MYO16: variants seen among roughly 807,000 people sequenced by gnomAD.
The protein encoded by MYO16 is unconventional myosin-XVI.
MYO16 carries 94 observed loss-of-function variants against 205.3 expected under a neutral mutation model. The observed-to-expected ratio is 0.46, with a 90% confidence interval of 0.39 to 0.54. The LOEUF is 0.54. MYO16 is among the 20% of genes least tolerant of loss of function. The probability of loss-of-function intolerance (pLI) is 0.00; values close to 1 mark genes in which losing one functional copy is unlikely to be tolerated. For missense variants in MYO16, 2,315 were observed against 2,387.5 expected, an observed-to-expected ratio of 0.97 and a Z score of 0.63; for synonymous variants, 988 against 954.0, an observed-to-expected ratio of 1.04 and a Z score of -0.66.
the MYO16 span, among the ~76,000 whole-genome samples, chr13:108,529,635 C>T: frequency 6.6e-6 from 1 of 152,180 alleles, no homozygotes; most frequent in African/African-American, 2.4e-5. Context: ...CACCTTGAAC[C>T]TGACAGTTAA....
intron 2 of MYO16, among the ~76,000 whole-genome samples, chr13:108,683,071 A>C (rs1278949859): frequency 2.0e-5 from 3 of 152,166 alleles, no homozygotes; most frequent in Non-Finnish European, 4.4e-5. Flanking sequence ...AATTCTATTC[A>C]TCTTAATGCC....
intron 9 of MYO16, among the ~76,000 whole-genome samples, chr13:108,833,329 A>G (rs1876723932): frequency 6.6e-6 from 1 of 151,926 alleles, no homozygotes; most frequent in Non-Finnish European, 1.5e-5. Context: ...TCTCTCCAAG[A>G]GCTCTTTCAT....
chr13:108,928,157 T>C (rs1882093588), intron 16 of MYO16, among the ~76,000 whole-genome samples: 1 of 151,952 alleles, frequency 6.6e-6, no homozygotes, highest in African/African-American at 2.4e-5. Context: ...GCAGCTTCCA[T>C]GAAAGAGAGG....
intron 33 of MYO16, among the ~76,000 whole-genome samples, chr13:109,172,001 A>C (rs1878942193): frequency 6.6e-6 from 1 of 152,186 alleles, no homozygotes; most frequent in Admixed American, 6.5e-5. Flanking sequence ...AGGACCAGGA[A>C]ATCTGCATTC....
At chr13:108,598,115 G>T (rs963561636) in intron 1 of MYO16, among the ~76,000 whole-genome samples, 1 of 152,190 alleles carries the variant, frequency 6.6e-6, no homozygotes, top group African/African-American at 2.4e-5. Flanking sequence ...GGGAAAGGGG[G>T]CAGAGATCAA....
chr13:108,620,934 G>A (rs558391372), intron 1 of MYO16, among the ~76,000 whole-genome samples: 14 of 152,076 alleles, frequency 9.2e-5, no homozygotes, highest in South Asian at 2.1e-4. Context: ...TCCCCACCCC[G>A]CAGCCTGGCC....
intron 16 of MYO16, among the ~76,000 whole-genome samples, chr13:108,931,153 A>C (rs982582898): frequency 1.3e-5 from 2 of 152,176 alleles, no homozygotes; most frequent in African/African-American, 4.8e-5. Context: ...ATATGTTAGA[A>C]TTCATATGAT....
intron 10 of MYO16, among the ~76,000 whole-genome samples, chr13:108,845,208 A>G (rs1193949468): frequency 6.6e-6 from 1 of 152,216 alleles, no homozygotes; most frequent in Non-Finnish European, 1.5e-5. Flanking sequence ...TCTTCTTAAA[A>G]TTTAATTTTA....
chr13:109,019,927 T>G lies in MYO16; in HGVS notation c.2796+16T>G, dbSNP rs1594474669. 2.5e-6 allele frequency: 4 copies of G among 1,611,478 alleles called. No homozygotes were observed. The highest frequency in any genetic ancestry group is 3.4e-6 in the Non-Finnish European group (4 of 1,178,706). Reference sequence around the variant, plus strand: ...CGCAGGAAGGGTAAGTGGCCAGAACTGCATAATTTTTCATGTGCACTAATG... The same window carrying G: ...CGCAGGAAGGGTAAGTGGCCAGAACGGCATAATTTTTCATGTGCACTAATG... On this transcript the variant is annotated intron_variant, in intron 23 of 34. Transcript: ENST00000457511.
At chr13:108,906,092 G>A (rs1880960576) in intron 15 of MYO16, among the ~76,000 whole-genome samples, 1 of 152,030 alleles carries the variant, frequency 6.6e-6, no homozygotes, top group East Asian at 1.9e-4. Context: ...CAAACTCTTA[G>A]CGTTCCCATG....
At position 108,888,553 on chromosome 13, in the gene MYO16, G is replaced by T. The variant is rs1880010977; in HGVS notation, c.1659+76G>T. The T allele has an allele frequency of 8.7e-6, 9 of 1,031,832 alleles. No individual in the cohort carries two copies. The Admixed American group carries it at 1.9e-4, about 22-fold the overall frequency. 63.9% of individuals were successfully genotyped at this position (1,031,832 alleles called of 1,614,324 possible). A position where few individuals can be genotyped will look rare whatever the true frequency, so the allele number is the denominator to read the frequency against. ...GTTGTCATTTACAAATAGGGGAGGG[G>T]ACATCATAATAGATACAAGGGGGTT... On this transcript the variant is annotated intron_variant, in intron 14 of 34. Transcript: ENST00000457511.
intron 1 of MYO16, among the ~76,000 whole-genome samples, chr13:108,605,723 G>A (rs1161763866): frequency 5.3e-5 from 8 of 152,092 alleles, no homozygotes; most frequent in South Asian, 4.1e-4. Flanking sequence ...CCAGTTTGGG[G>A]TATTTCTTCA....
At chr13:108,641,207 A>G (rs905650250) in intron 1 of MYO16, among the ~76,000 whole-genome samples, 1 of 152,198 alleles carries the variant, frequency 6.6e-6, no homozygotes, top group Non-Finnish European at 1.5e-5. Context: ...ACCTTGTGTG[A>G]ATCAATGCTG....
chr13:108,643,189 A>G (rs1468434142), intron 1 of MYO16, among the ~76,000 whole-genome samples: 3 of 152,106 alleles, frequency 2.0e-5, no homozygotes, highest in Admixed American at 6.6e-5. Flanking sequence ...TCTGTCAATC[A>G]CAGATCTGAT....
chr13:108,801,004 T>C (rs979767654), intron 6 of MYO16, among the ~76,000 whole-genome samples: 8 of 152,196 alleles, frequency 5.3e-5, no homozygotes, highest in Admixed American at 2.6e-4. Context: ...TATCGTTGAT[T>C]ATGTCAGAAA....
intron 34 of MYO16, among the ~76,000 whole-genome samples, chr13:109,188,746 C>G (rs1879789423): frequency 1.3e-5 from 2 of 152,144 alleles, no homozygotes; most frequent in South Asian, 4.1e-4. Flanking sequence ...TGGCAAACCA[C>G]TGATGTAAGT....
intron 28 of MYO16, among the ~76,000 whole-genome samples, chr13:109,115,920 T>G (rs1183072219): frequency 6.6e-6 from 1 of 151,912 alleles, no homozygotes; most frequent in African/African-American, 2.4e-5. Flanking sequence ...CTAATTTCAT[T>G]GCTTTCAGAA....
intron 32 of MYO16, among the ~76,000 whole-genome samples, chr13:109,156,202 G>A (rs568393359): frequency 2.0e-5 from 3 of 152,180 alleles, no homozygotes; most frequent in Non-Finnish European, 4.4e-5. Flanking sequence ...CGAAGTGCTT[G>A]TATCCAAATT....
chr13:109,137,222 G>GT (rs1327303043), intron 31 of MYO16, among the ~76,000 whole-genome samples: 5 of 152,172 alleles, frequency 3.3e-5, no homozygotes, highest in Admixed American at 2.0e-4. Flanking sequence ...CTAGACATGT[G>GT]TCCCAAGGGA....
Sources: gnomAD v4.1 joint callset for allele counts (sites outside exome capture counted in the v4.1 genomes callset) on GRCh38, gnomAD v4.1.1 for gene constraint, MANE v1.5 for transcripts, NCBI Gene and HGNC (gene_info 2026-07-23, HGNC 2026-07-21) for gene names.